TMEM131L: variants seen among roughly 807,000 people sequenced by gnomAD.
The protein encoded by TMEM131L is transmembrane protein 131-like.
A neutral mutation model predicts 192.2 loss-of-function variants in TMEM131L; 54 were observed. The observed-to-expected ratio is 0.28, with a 90% CI of 0.23 to 0.35. The LOEUF (loss-of-function observed/expected upper bound fraction) is 0.35. Among genes scored for constraint, TMEM131L ranks in the 10% least tolerant of loss-of-function variants. The probability of loss-of-function intolerance (pLI) is 1.00; values close to 1 mark genes in which losing one functional copy is unlikely to be tolerated. For missense variants in TMEM131L, 1,888 were observed against 1,972.9 expected, an observed-to-expected ratio of 0.96 and a Z score of 0.82; for synonymous variants, 701 against 704.9, an observed-to-expected ratio of 0.99 and a Z score of 0.09.
intron 3 of TMEM131L, among the ~76,000 whole-genome samples, chr4:153,531,271 A>C (rs1234141727): frequency 6.6e-6 from 1 of 152,242 alleles, no homozygotes; most frequent in African/African-American, 2.4e-5. Context: ...CCTTGAATCC[A>C]TATTATCTCT....
At chr4:153,544,292 A>C (rs1737009097) in intron 3 of TMEM131L, among the ~76,000 whole-genome samples, 1 of 152,000 alleles carries the variant, frequency 6.6e-6, no homozygotes, top group African/African-American at 2.4e-5. Context: ...GCTATTTTTC[A>C]CTTGTTCGAA....
Position 153,627,596 on chromosome 4 carries a change from T to C in TMEM131L, c.4125-9T>C. On this transcript the variant is annotated splice_polypyrimidine_tract_variant and intron_variant, in intron 30 of 34. Transcript: ENST00000409959. ...ATGAGTCGTTCCTCCTTTGCCCTCT[T>C]CCCCACAGGACCGTGAATAGTCTCC... is the stretch of plus-strand genomic sequence containing the variant. 6.2e-7 allele frequency: 1 copy of C among 1,612,324 alleles called. No homozygotes were observed. Among genetic ancestry groups the C allele is most frequent in the Non-Finnish European group, 8.5e-7 (1 of 1,178,524 alleles).
At chr4:153,615,787 T>TTC (rs1308326981) in intron 26 of TMEM131L, among the ~76,000 whole-genome samples, 1 of 152,138 alleles carries the variant, frequency 6.6e-6, no homozygotes, top group African/African-American at 2.4e-5. Context: ...CCAAGGTCCC[T>TTC]TCAACCTAAG....
intron 29 of TMEM131L, among the ~76,000 whole-genome samples, chr4:153,625,760 T>C (rs1733797975): frequency 1.3e-5 from 2 of 151,814 alleles, no homozygotes; most frequent in Admixed American, 6.6e-5. Context: ...ATACAAAAAT[T>C]AGCTGGGCAT....
chr4:153,602,802 C>CT, intron 23 of TMEM131L, 75 bp downstream of exon 23: 1 of 1,312,118 alleles, frequency 7.6e-7, no homozygotes. Flanking sequence ...AAAACGTGAA[C>CT]TGCCCGAGTG....
intron 3 of TMEM131L, among the ~76,000 whole-genome samples, chr4:153,491,935 A>G (rs1286483695): frequency 6.6e-6 from 1 of 151,866 alleles, no homozygotes; most frequent in Non-Finnish European, 1.5e-5. Context: ...TGAACTCCTA[A>G]GCTCAAGTGA....
At chr4:153,591,734 T>TG (rs1301031416) in intron 17 of TMEM131L, among the ~76,000 whole-genome samples, 4 of 152,224 alleles carry the variant, frequency 2.6e-5, no homozygotes, top group Non-Finnish European at 5.9e-5. Context: ...TTATAATGTA[T>TG]GACTTATCAG....
rs773034802 is a variant in TMEM131L, at chr4:153,612,332, GA to G, written c.3503del (p.Lys1168ArgfsTer21). 1 of 1,600,378 alleles carries G rather than the reference GA, an allele frequency of 6.2e-7. No homozygotes were observed. Among genetic ancestry groups the G allele is most frequent in the Non-Finnish European group, 8.5e-7 (1 of 1,174,858 alleles). ...LKKVDTKPSSEKKIHKTSRED... is the reference protein window; with the variant it reads ...LKKVDTKPSSXKKIHKTSRED... ...GAAGGTGGACACAAAGCCTTCTTCA[GA>G]AAAGAAGATTCACAAAACATCTAGA... is the stretch of plus-strand genomic sequence containing the variant. On this transcript the variant is annotated frameshift_variant, in exon 26 of 35. Coordinates refer to ENST00000409959, the MANE Select transcript of TMEM131L (RefSeq NM_001131007.2). LOFTEE classifies it high-confidence loss of function.
intron 1 of TMEM131L, among the ~76,000 whole-genome samples, chr4:153,466,802 G>T (rs1730783086): frequency 6.6e-6 from 1 of 152,078 alleles, no homozygotes; most frequent in South Asian, 2.1e-4. Context: ...CCTGCGCCCC[G>T]GGCGCAGCCC....
intron 25 of TMEM131L, among the ~76,000 whole-genome samples, chr4:153,605,828 A>G (rs1195176980): frequency 1.3e-5 from 2 of 152,210 alleles, no homozygotes; most frequent in Non-Finnish European, 2.9e-5. Flanking sequence ...GAAAATCCTC[A>G]ACTGAATTTT....
rs538106558 is a variant in TMEM131L, at chr4:153,498,358, A to G, written c.239+24470A>G. 2.6e-5 allele frequency among the ~76,000 whole-genome samples: 4 copies of G among 152,332 alleles called. No individual in the cohort carries two copies. In the South Asian group the frequency reaches 8.3e-4, roughly 32 times the overall value. On this transcript the variant is annotated intron_variant, in intron 3 of 34. Transcript: ENST00000409959. ...AGGGTTTACAGCAGCAGAGCCAAGG[A>G]GGGCTGAGGCCAGCTTCCTTTGCTC... is the stretch of plus-strand genomic sequence containing the variant.
chr4:153,618,493 A>AT lies in TMEM131L; in HGVS notation c.3568-2263_3568-2262insT, dbSNP rs386401920. On this transcript the variant is annotated intron_variant, in intron 26 of 34. Transcript: ENST00000409959. ...CCTGTCTCCAAAAAAAAAAAAAAAA[A>AT]ACCCACCAAAAAAACCTCCAAATAA... Among the ~76,000 whole-genome samples, 1,057 of 150,826 alleles carry AT rather than the reference A, an allele frequency of 7.0e-3. 18 individuals carry two copies. Among genetic ancestry groups the AT allele is most frequent in the African/African-American group, 0.024 (989 of 40,912 alleles).
rs185240762 is a variant in TMEM131L, at chr4:153,570,126, G to A, written c.661-10700G>A. 6.6e-5 allele frequency among the ~76,000 whole-genome samples: 10 copies of A among 152,170 alleles called. No individual in the cohort carries two copies. The East Asian group carries it at 1.7e-3, about 26-fold the overall frequency. On this transcript the variant is annotated intron_variant, in intron 7 of 34. Coordinates refer to ENST00000409959, the MANE Select transcript of TMEM131L (RefSeq NM_001131007.2). ...GCTAGAATGTGCGTGGTTTCCCCAC[G>A]GTTTCAGAATTTATAGTGGTTCAAT... is the stretch of plus-strand genomic sequence containing the variant.
intron 7 of TMEM131L, among the ~76,000 whole-genome samples, chr4:153,559,377 A>AG (rs1376879098): frequency 2.0e-5 from 3 of 152,198 alleles, no homozygotes; most frequent in African/African-American, 7.2e-5. Flanking sequence ...TCCTAAAACC[A>AG]GGGGGCATGT....
Position 153,466,525 on chromosome 4 carries a change from A to G in TMEM131L, c.124+4A>G. 1 of 1,346,734 alleles carries G rather than the reference A, an allele frequency of 7.4e-7. No homozygotes were observed. The highest frequency in any genetic ancestry group is 9.6e-7 in the Non-Finnish European group (1 of 1,042,962). 83.4% of individuals were successfully genotyped at this position (1,346,734 alleles called of 1,614,324 possible). On this transcript the variant is annotated splice_donor_region_variant and intron_variant, in intron 1 of 34. Transcript: ENST00000409959. ...CCGGGAGGGGCTCAGGGACAAGGTC[A>G]GCCTTGCGCCGCTGGGCTCGCTCTG... is the stretch of plus-strand genomic sequence containing the variant.
chr4:153,578,544 G>A (rs1345286860), intron 7 of TMEM131L, among the ~76,000 whole-genome samples: 124 of 142,688 alleles, frequency 8.7e-4, no homozygotes, highest in African/African-American at 3.0e-3. Flanking sequence ...TTTTTTTGAC[G>A]GAGTCTCGTT....
chr4:153,598,530 G>A, intron 20 of TMEM131L, 60 bp from the exon 21 acceptor site: 19 of 1,345,160 alleles, frequency 1.4e-5, no homozygotes, highest in Non-Finnish European at 1.8e-5. Flanking sequence ...TTAAATTTAA[G>A]TACATTGTAC....
At chr4:153,599,187 A>G (rs1005864894) in intron 21 of TMEM131L, among the ~76,000 whole-genome samples, 1 of 152,226 alleles carries the variant, frequency 6.6e-6, no homozygotes, top group African/African-American at 2.4e-5. Context: ...CATCTTACAT[A>G]GCTAAAGCAG....
intron 7 of TMEM131L, among the ~76,000 whole-genome samples, chr4:153,571,916 G>A (rs560182385): frequency 6.6e-6 from 1 of 152,268 alleles, no homozygotes; most frequent in Admixed American, 6.5e-5. Flanking sequence ...TCCTTTATTA[G>A]AGTCTTTTAA....
Sources: gnomAD v4.1 joint callset for allele counts (sites outside exome capture counted in the v4.1 genomes callset) on GRCh38, gnomAD v4.1.1 for gene constraint, MANE v1.5 for transcripts, NCBI Gene and HGNC (gene_info 2026-07-23, HGNC 2026-07-21) for gene names.